Variants in DCC observed in about 807,000 individuals in gnomAD.
DCC encodes the protein DCC netrin 1 receptor.
In DCC, 58 loss-of-function variants were observed where a neutral mutation model predicts 172.5. The observed-to-expected ratio is 0.34, with a 90% confidence interval of 0.27 to 0.42. DCC has a LOEUF of 0.42. DCC is among the 10% of genes least tolerant of loss of function. The pLI is 1.00. For missense variants in DCC, 1,740 were observed against 1,791.0 expected (o/e 0.97, Z 0.51); for synonymous variants, 709 against 644.5 (o/e 1.10, Z -1.52).
chr18:53,165,529 T>G (rs2144422009), intron 8 of DCC, among the ~76,000 whole-genome samples: 1 of 152,318 alleles, frequency 6.6e-6, no homozygotes, highest in South Asian at 2.1e-4. Flanking sequence ...TGGCCCTGGC[T>G]TAAAGCTTGG....
At chr18:53,469,989 G>A (rs1391593775) in intron 25 of DCC, among the ~76,000 whole-genome samples, 2 of 152,042 alleles carry the variant, frequency 1.3e-5, no homozygotes, top group Admixed American at 1.3e-4. Flanking sequence ...GGCTTGCAAT[G>A]TACTAGATGC....
chr18:52,684,808 G>A (rs931079026), intron 1 of DCC, among the ~76,000 whole-genome samples: 1 of 152,078 alleles, frequency 6.6e-6, no homozygotes, highest in Non-Finnish European at 1.5e-5. Context: ...TGGCTAATCC[G>A]CTTAAACTAC....
intron 5 of DCC, among the ~76,000 whole-genome samples, chr18:52,967,101 C>T (rs1261645464): frequency 6.6e-6 from 1 of 152,152 alleles, no homozygotes; most frequent in Admixed American, 6.5e-5. Flanking sequence ...TTCCTTTTCC[C>T]AGTCCAGTAT....
chr18:52,498,491 GCAGGAGCCTGTAATCCCAGTTACT>G (rs2030888436), intron 1 of DCC, among the ~76,000 whole-genome samples: 1 of 152,060 alleles, frequency 6.6e-6, no homozygotes, highest in South Asian at 2.1e-4. Flanking sequence ...GTGCATGGTG[GCAGGAGCCTGTAATCCCAGTTACT>G]CAGGAGGCTG....
chr18:53,241,082 C>A (rs2056285924), intron 12 of DCC, among the ~76,000 whole-genome samples: 2 of 152,022 alleles, frequency 1.3e-5, no homozygotes, highest in African/African-American at 4.8e-5. Context: ...TTCCCATAAA[C>A]AATTTGACCC....
intron 2 of DCC, among the ~76,000 whole-genome samples, chr18:52,875,051 C>T (rs9953016): frequency 0.63 from 96,143 of 151,782 alleles, 30,673 homozygotes; most frequent in Middle Eastern, 0.68. Context: ...TTGGGCCAGA[C>T]AGAGGAAGTA....
chr18:52,383,065 C>T (rs1394851475), intron 1 of DCC, among the ~76,000 whole-genome samples: 1 of 151,864 alleles, frequency 6.6e-6, no homozygotes, highest in African/African-American at 2.4e-5. Context: ...AATTCTTCAC[C>T]ATTACACACG....
intron 7 of DCC, among the ~76,000 whole-genome samples, chr18:53,155,363 T>C (rs574595641): frequency 6.6e-6 from 1 of 152,254 alleles, no homozygotes; most frequent in East Asian, 1.9e-4. Flanking sequence ...TATCCGCAAA[T>C]GGGTACCTGT....
At chr18:53,259,707 A>T (rs1373246338) in intron 12 of DCC, among the ~76,000 whole-genome samples, 1 of 151,998 alleles carries the variant, frequency 6.6e-6, no homozygotes, top group African/African-American at 2.4e-5. Context: ...GCTCCTCTGG[A>T]GGAGTATCTT....
At chr18:52,416,173 T>A (rs1987021132) in intron 1 of DCC, among the ~76,000 whole-genome samples, 1 of 152,236 alleles carries the variant, frequency 6.6e-6, no homozygotes, top group Non-Finnish European at 1.5e-5. Context: ...TTCCATGTAG[T>A]TGAGCAGTTT....
chr18:52,760,050 T>C (rs2037134496), intron 2 of DCC, among the ~76,000 whole-genome samples: 1 of 152,176 alleles, frequency 6.6e-6, no homozygotes, highest in Non-Finnish European at 1.5e-5. Flanking sequence ...CCTTCCTGTA[T>C]TAGTCTGTTC....
At chr18:53,193,033 A>G (rs2055389578) in intron 9 of DCC, among the ~76,000 whole-genome samples, 1 of 151,960 alleles carries the variant, frequency 6.6e-6, no homozygotes, top group Admixed American at 6.6e-5. Flanking sequence ...TTTCATCTCC[A>G]TGGCCAGCCA....
At chr18:53,462,180 T>C (rs903721089) in intron 24 of DCC, among the ~76,000 whole-genome samples, 3 of 152,180 alleles carry the variant, frequency 2.0e-5, no homozygotes, top group African/African-American at 7.2e-5. Flanking sequence ...GACTTATTTA[T>C]GGCAGGGGTA....
chr18:52,448,197 C>T (rs966021324), intron 1 of DCC, among the ~76,000 whole-genome samples: 1 of 152,172 alleles, frequency 6.6e-6, no homozygotes, highest in African/African-American at 2.4e-5. Context: ...GTGAACTGCA[C>T]ATTCGAGGGA....
intron 1 of DCC, among the ~76,000 whole-genome samples, chr18:52,367,611 C>G (rs756031003): frequency 1.3e-4 from 20 of 152,186 alleles, no homozygotes; most frequent in Admixed American, 9.2e-4. Context: ...AGCCAATCTT[C>G]TTTTCTTGTC....
In DCC at chr18:52,990,267, G is replaced by A. The variant is rs190623946; in HGVS notation, c.985+64897G>A. Among the ~76,000 whole-genome samples, 8 of 152,026 alleles carry A rather than the reference G, an allele frequency of 5.3e-5. No individual in the cohort carries two copies. The South Asian group carries it at 6.2e-4, about 12-fold the overall frequency. On this transcript the variant is annotated intron_variant, in intron 5 of 28. Coordinates refer to ENST00000442544, the MANE Select transcript of DCC (RefSeq NM_005215.4). ...TAAAAAATAAGCAAAGCGGGCAGGC[G>A]CAGTGGCTCACGCCTGTAATCCCAG...
At chr18:53,335,320 G>T (rs1057307626) in intron 14 of DCC, among the ~76,000 whole-genome samples, 2 of 152,108 alleles carry the variant, frequency 1.3e-5, no homozygotes, top group Non-Finnish European at 2.9e-5. Context: ...TCTCACGATT[G>T]TCTTATTTGT....
intron 7 of DCC, among the ~76,000 whole-genome samples, chr18:53,143,696 G>C (rs1405041908): frequency 6.6e-6 from 1 of 152,256 alleles, no homozygotes. Context: ...AGTAGCTGCA[G>C]AATCGCAAAC....
At chr18:53,219,164 C>T (rs1158384934) in intron 12 of DCC, among the ~76,000 whole-genome samples, 3 of 152,028 alleles carry the variant, frequency 2.0e-5, no homozygotes, top group Non-Finnish European at 2.9e-5. Flanking sequence ...GGTAGGAAAA[C>T]GTGAAAGAAC....
Sources: gnomAD v4.1 joint callset for allele counts (sites outside exome capture counted in the v4.1 genomes callset) on GRCh38, gnomAD v4.1.1 for gene constraint, MANE v1.5 for transcripts, NCBI Gene and HGNC (gene_info 2026-07-23, HGNC 2026-07-21) for gene names.